The following KMT5B variants were observed in gnomAD, a reference collection of about 807,000 sequenced individuals.
KMT5B encodes the protein histone-lysine N-methyltransferase KMT5B.
In KMT5B, 10 loss-of-function variants were observed where a neutral mutation model predicts 83.2. The observed-to-expected ratio is 0.12, with a 90% CI of 0.07 to 0.20. The LOEUF is 0.20. KMT5B is among the 10% of genes least tolerant of loss of function. KMT5B has a pLI of 1.00. For synonymous variants in KMT5B, 349 were observed against 388.8 expected (o/e 0.90, Z 1.20); for missense variants, 753 against 1,067.2 (o/e 0.71, Z 4.10).
chr11:68,199,849 C>T (rs1859204754), intron 1 of KMT5B, among the ~76,000 whole-genome samples: 1 of 152,130 alleles, frequency 6.6e-6, no homozygotes, highest in East Asian at 1.9e-4. Context: ...GAACTGCTGA[C>T]AGATTGAATG....
At chr11:68,200,142 C>A (rs1565257043) in intron 1 of KMT5B, among the ~76,000 whole-genome samples, 2 of 152,120 alleles carry the variant, frequency 1.3e-5, no homozygotes, top group South Asian at 4.1e-4. Flanking sequence ...CAAATAAAAT[C>A]AAAGTATTAA....
At chr11:68,212,957 C>G (rs954766718) in intron 1 of KMT5B, among the ~76,000 whole-genome samples, 181 bp downstream of exon 1, 1 of 144,548 alleles carries the variant, frequency 6.9e-6, no homozygotes, top group Non-Finnish European at 1.5e-5. Context: ...GGCCCCGCAC[C>G]GGCCCGGCCG....
chr11:68,187,244 T>G (rs911953992), intron 2 of KMT5B, among the ~76,000 whole-genome samples: 2 of 152,156 alleles, frequency 1.3e-5, no homozygotes, highest in African/African-American at 4.8e-5. Context: ...GCCATCCTCC[T>G]GCCTCAGCCT....
At chr11:68,174,944 T>TA in intron 5 of KMT5B, 74 bp downstream of exon 5, 1 of 1,341,894 alleles carries the variant, frequency 7.5e-7, no homozygotes, top group Non-Finnish European at 1.0e-6. Context: ...CAGTATTAAC[T>TA]AACATTTAGG....
At chr11:68,169,397 C>T (rs1322127074) in intron 9 of KMT5B, among the ~76,000 whole-genome samples, 1 of 152,160 alleles carries the variant, frequency 6.6e-6, no homozygotes, top group Admixed American at 6.5e-5. Context: ...TTATCAAGGA[C>T]TTACTATGCA....
At chr11:68,207,473 G>A (rs1860278383) in intron 1 of KMT5B, among the ~76,000 whole-genome samples, 1 of 152,004 alleles carries the variant, frequency 6.6e-6, no homozygotes, top group Admixed American at 6.5e-5. Flanking sequence ...CAGGCTGAGA[G>A]ACTGTGTACT....
chr11:68,165,932 C>G (rs182231590), intron 10 of KMT5B: 62 of 1,612,886 alleles, frequency 3.8e-5, no homozygotes, highest in Non-Finnish European at 5.0e-5. Context: ...AACACCTTCC[C>G]TTTTCTTCAG....
Position 68,165,730 on chromosome 11 carries a change from G to C in KMT5B, c.1174+1252C>G. 4 of 1,417,258 alleles carry C rather than the reference G, an allele frequency of 2.8e-6. No individual in the cohort carries two copies. The East Asian group carries it at 1.0e-4, about 37-fold the overall frequency. The allele number at this position is 1,417,258 out of a possible 1,614,324, so 87.8% of individuals were successfully genotyped here. A position where few individuals can be genotyped will look rare whatever the true frequency, so the allele number is the denominator to read the frequency against. ...TCAGAAAACAAATGGTCGTTATGCT[G>C]CATTTATTATGAGAATCAACAGTCA... On this transcript the variant is annotated intron_variant, in intron 10 of 10. Coordinates refer to ENST00000304363, the MANE Select transcript of KMT5B (RefSeq NM_017635.5).
chr11:68,180,082 G>T (rs776520063), intron 4 of KMT5B, 50 bp downstream of exon 4: 1 of 1,530,684 alleles, frequency 6.5e-7, no homozygotes, highest in South Asian at 1.2e-5. Flanking sequence ...ATTTTAAAAG[G>T]CTAGAATGGG....
rs867851170 is a variant in KMT5B at position 68,180,006 on chromosome 11, A to G, written c.377+126T>C. ...ACAACTATTATCAAACTACTTTAAA[A>G]GGTTTGTAAAATGTTCTAAAACTCT... On this transcript the variant is annotated intron_variant, in intron 4 of 10. Coordinates refer to ENST00000304363, the MANE Select transcript of KMT5B (RefSeq NM_017635.5). 8.0e-6 allele frequency: 9 copies of G among 1,128,390 alleles called. No homozygotes were observed. The Middle Eastern group carries it at 9.1e-4, about 114-fold the overall frequency. The allele number at this position is 1,128,390 out of a possible 1,614,324, so 69.9% of individuals were successfully genotyped here.
intron 1 of KMT5B, among the ~76,000 whole-genome samples, chr11:68,205,813 G>C (rs982610783): frequency 1.3e-5 from 2 of 151,858 alleles, no homozygotes; most frequent in Non-Finnish European, 2.9e-5. Flanking sequence ...GTACAGACAG[G>C]GTTTCACCGT....
chr11:68,177,713 T>C (rs1856514686), intron 4 of KMT5B, among the ~76,000 whole-genome samples: 1 of 152,158 alleles, frequency 6.6e-6, no homozygotes, highest in Non-Finnish European at 1.5e-5. Flanking sequence ...TTCAATCAAT[T>C]GGTATACAAG....
At chr11:68,172,025 C>T (rs1254326624) in intron 6 of KMT5B, among the ~76,000 whole-genome samples, 2 of 151,794 alleles carry the variant, frequency 1.3e-5, no homozygotes, top group Non-Finnish European at 2.9e-5. Context: ...CAAATACTTG[C>T]GGCAATGAAT....
intron 3 of KMT5B, among the ~76,000 whole-genome samples, chr11:68,180,555 A>G (rs1174571891): frequency 6.6e-6 from 1 of 152,252 alleles, no homozygotes; most frequent in African/African-American, 2.4e-5. Context: ...TTAGATGGTT[A>G]TAACAGTAGA....
At position 68,155,709 on chromosome 11, in the gene KMT5B, G is replaced by A. The variant is rs1859241454; in HGVS notation, c.*1979C>T. 6.6e-6 allele frequency: 1 copy of A among 152,220 alleles called. No homozygotes were observed. Among genetic ancestry groups the A allele is most frequent in the African/African-American group, 2.4e-5 (1 of 41,420 alleles). The allele number at this position is 152,220 out of a possible 1,614,324, so 9.4% of individuals were successfully genotyped here. Reference sequence around the variant, plus strand: ...TCTATGCAGGGACCCCATGAGGGCTGGACGTGCTCTGCAAAGTGCTCCGGG... The same window carrying A: ...TCTATGCAGGGACCCCATGAGGGCTAGACGTGCTCTGCAAAGTGCTCCGGG... On this transcript the variant is annotated 3_prime_UTR_variant, in exon 11 of 11. Coordinates refer to ENST00000304363, the MANE Select transcript of KMT5B (RefSeq NM_017635.5).
intron 10 of KMT5B, 107 bp from the exon 11 acceptor site, chr11:68,159,278 C>T (rs1010055229): frequency 2.5e-5 from 36 of 1,430,346 alleles, no homozygotes; most frequent in Middle Eastern, 2.5e-4. Flanking sequence ...ATTACACAAA[C>T]GCCAACACCA....
At chr11:68,189,838 C>A in intron 2 of KMT5B, 79 bp downstream of exon 2, 1 of 1,355,696 alleles carries the variant, frequency 7.4e-7, no homozygotes, top group Non-Finnish European at 9.9e-7. Context: ...CAAAAGAAAA[C>A]AGAATACACA....
rs777696815 is a variant in KMT5B, at chr11:68,158,366, G to A, written c.1980C>T (p.Gly660=). 9 of 1,613,926 alleles carry A rather than the reference G, an allele frequency of 5.6e-6. No individual in the cohort carries two copies. Among genetic ancestry groups the A allele is most frequent in the South Asian group, 4.4e-5 (4 of 91,080 alleles). Residue 660 remains glycine, a synonymous_variant, in exon 11 of 11, where the codon GGC becomes GGT. Transcript: ENST00000304363. ...CACAGTCTGTGTAGCTCACAGGCACGCCCACAGTGCCACTGTGCTCACCCT... is the reference window on the plus strand; with the variant it reads ...CACAGTCTGTGTAGCTCACAGGCACACCCACAGTGCCACTGTGCTCACCCT... ...SDQGEHSGTV[G]VPVSYTDCAP... is the part of the protein sequence containing the mutation.
At chr11:68,193,611 T>C (rs1410536950) in intron 1 of KMT5B, among the ~76,000 whole-genome samples, 1 of 152,172 alleles carries the variant, frequency 6.6e-6, no homozygotes, top group Admixed American at 6.5e-5. Flanking sequence ...GATTATAGTA[T>C]TTAACTTTTA....
Sources: gnomAD v4.1 joint callset for allele counts (sites outside exome capture counted in the v4.1 genomes callset) on GRCh38, gnomAD v4.1.1 for gene constraint, MANE v1.5 for transcripts, NCBI Gene and HGNC (gene_info 2026-07-23, HGNC 2026-07-21) for gene names.